Variants in PRRC2B observed in about 807,000 individuals in gnomAD.
PRRC2B encodes the protein proline rich coiled-coil 2B, also known as protein PRRC2B.
In PRRC2B, 68 loss-of-function variants were observed where a neutral mutation model predicts 242.3. The observed-to-expected ratio is 0.28, with a 90% confidence interval of 0.23 to 0.34. The LOEUF is 0.34. Among genes scored for constraint, PRRC2B ranks in the 10% least tolerant of loss-of-function variants. PRRC2B has a pLI of 1.00. For synonymous variants in PRRC2B, 1,228 were observed against 1,173.6 expected, an observed-to-expected ratio of 1.05 and a Z score of -0.95; for missense variants, 2,835 against 2,954.8, an observed-to-expected ratio of 0.96 and a Z score of 0.94.
At chr9:131,442,769 G>A (rs141260333) in intron 5 of PRRC2B, among the ~76,000 whole-genome samples, 4 of 152,292 alleles carry the variant, frequency 2.6e-5, no homozygotes, top group Non-Finnish European at 5.9e-5. Context: ...GCTCCTGTCT[G>A]GAGTGTGCTG....
chr9:131,420,843 G>A (rs954321676), intron 1 of PRRC2B, among the ~76,000 whole-genome samples: 4 of 151,864 alleles, frequency 2.6e-5, no homozygotes, highest in Non-Finnish European at 5.9e-5. Flanking sequence ...GTGTGGTGGG[G>A]GTTGGGTTAG....
intron 28 of PRRC2B, 77 bp downstream of exon 28, chr9:131,488,173 C>G: frequency 6.6e-7 from 1 of 1,518,892 alleles, no homozygotes; most frequent in South Asian, 1.3e-5. Flanking sequence ...TCACCCGCCT[C>G]TCAGTGTGTG....
chr9:131,458,196 C>T (rs916720833), intron 10 of PRRC2B, among the ~76,000 whole-genome samples: 1 of 151,956 alleles, frequency 6.6e-6, no homozygotes, highest in Non-Finnish European at 1.5e-5. Flanking sequence ...ATCTTTTGTT[C>T]TTTTGAGGGG....
chr9:131,487,388 C>A lies in PRRC2B; in HGVS notation c.5984+94C>A. Reference sequence around the variant, plus strand: ...CGTCCTGCAGCTGTTTGGTGCTTGTCTGCTTTGGGGCCAGTGGGGCGGGGA... The same window carrying A: ...CGTCCTGCAGCTGTTTGGTGCTTGTATGCTTTGGGGCCAGTGGGGCGGGGA... On this transcript the variant is annotated intron_variant, in intron 27 of 31. Coordinates refer to ENST00000683519, the MANE Select transcript of PRRC2B (RefSeq NM_013318.4). This position sits in a 1 kb window ranked among gnomAD's most constrained non-coding sequence, Gnocchi z 5.3. 2.2e-6 allele frequency: 2 copies of A among 891,630 alleles called. No homozygotes were observed. The highest frequency in any genetic ancestry group is 1.6e-6 in the Non-Finnish European group (1 of 630,470). 55.2% of individuals were successfully genotyped at this position (891,630 alleles called of 1,614,324 possible).
intron 1 of PRRC2B, among the ~76,000 whole-genome samples, chr9:131,376,226 C>T (rs1400665484): frequency 1.4e-5 from 2 of 147,070 alleles, no homozygotes; most frequent in Admixed American, 6.8e-5. Context: ...TGGTGGCGCG[C>T]GTCTGTAATC....
At chr9:131,405,711 C>G (rs1837343095) in intron 1 of PRRC2B, among the ~76,000 whole-genome samples, 1 of 152,156 alleles carries the variant, frequency 6.6e-6, no homozygotes, top group Non-Finnish European at 1.5e-5. Flanking sequence ...TTACACTGCT[C>G]TGGCTCCTGG....
At chr9:131,380,599 G>A (rs939658449) in intron 1 of PRRC2B, among the ~76,000 whole-genome samples, 2 of 151,288 alleles carry the variant, frequency 1.3e-5, no homozygotes, top group South Asian at 2.1e-4. Context: ...AAAAAAAAAG[G>A]CCGGCCGCAG....
intron 1 of PRRC2B, among the ~76,000 whole-genome samples, chr9:131,403,944 T>C (rs1837291960): frequency 6.6e-6 from 1 of 152,160 alleles, no homozygotes; most frequent in Non-Finnish European, 1.5e-5. Flanking sequence ...GTAATACTTT[T>C]TTTTTCTTCC....
In PRRC2B at chr9:131,494,081, G is replaced by A. The variant is rs903025572; in HGVS notation, c.6474-324G>A. On this transcript the variant is annotated intron_variant, in intron 30 of 31. Transcript: ENST00000683519. This position sits in a 1 kb window ranked among gnomAD's most constrained non-coding sequence, Gnocchi z 4.3. Reference sequence around the variant, plus strand: ...TGCATCGTGTTGGTCCAGACCCTGAGACGGCCAGTGTCGCTTTCTGCACAG... The same window carrying A: ...TGCATCGTGTTGGTCCAGACCCTGAAACGGCCAGTGTCGCTTTCTGCACAG... Among the ~76,000 whole-genome samples, 1 of 152,228 alleles carries A rather than the reference G, an allele frequency of 6.6e-6. No individual in the cohort carries two copies. Among genetic ancestry groups the A allele is most frequent in the Admixed American group, 6.5e-5 (1 of 15,290 alleles).
chr9:131,462,836 TAAAAAA>T (rs553444971), intron 11 of PRRC2B, among the ~76,000 whole-genome samples: 4 of 81,936 alleles, frequency 4.9e-5, no homozygotes, highest in South Asian at 1.5e-3. Flanking sequence ...AGACTCCGTC[TAAAAAA>T]AAAAAAAAAA....
At chr9:131,420,494 T>TCTCTCTCTCTCTCTCTCTCTCTC (rs1554758632) in intron 1 of PRRC2B, among the ~76,000 whole-genome samples, 1 of 10,050 alleles carries the variant, frequency 1.0e-4, no homozygotes, top group African/African-American at 3.3e-4. Flanking sequence ...TCTTTCTTTC[T>TCTCTCTCTCTCTCTCTCTCTCTC]TTTTTTTTTT....
chr9:131,383,194 T>C (rs1311176188), intron 1 of PRRC2B, among the ~76,000 whole-genome samples: 2 of 152,036 alleles, frequency 1.3e-5, no homozygotes, highest in Non-Finnish European at 2.9e-5. Flanking sequence ...TGGAATCCAT[T>C]TCCCCCTGGA....
At chr9:131,484,408 A>C (rs1943956241) in intron 23 of PRRC2B, among the ~76,000 whole-genome samples, 1 of 152,128 alleles carries the variant, frequency 6.6e-6, no homozygotes, top group Non-Finnish European at 1.5e-5. Flanking sequence ...GAGGAAACTG[A>C]TGGAGGCAGC....
At chr9:131,413,591 C>G (rs1294283077) in intron 1 of PRRC2B, among the ~76,000 whole-genome samples, 1 of 152,222 alleles carries the variant, frequency 6.6e-6, no homozygotes, top group African/African-American at 2.4e-5. Context: ...TGGTCTCAAA[C>G]TCCTGGCTTC....
At chr9:131,375,192 G>A (rs1355212961) in intron 1 of PRRC2B, among the ~76,000 whole-genome samples, 1 of 152,164 alleles carries the variant, frequency 6.6e-6, no homozygotes, top group Admixed American at 6.6e-5. Context: ...CACGACGTCA[G>A]GAGTTGGAGA....
chr9:131,455,815 G>A (rs1271239881), intron 10 of PRRC2B, among the ~76,000 whole-genome samples: 1 of 152,094 alleles, frequency 6.6e-6, no homozygotes, highest in Non-Finnish European at 1.5e-5. Flanking sequence ...CCTTGAACAT[G>A]CTAAAGTACA....
At chr9:131,437,372 C>T (rs964714368) in intron 4 of PRRC2B, among the ~76,000 whole-genome samples, 5 of 152,168 alleles carry the variant, frequency 3.3e-5, no homozygotes, top group African/African-American at 9.7e-5. Context: ...TTTTTCTAAG[C>T]AGAAAGTAAT....
At chr9:131,433,513 C>T (rs1009973234) in intron 3 of PRRC2B, among the ~76,000 whole-genome samples, 1 of 152,248 alleles carries the variant, frequency 6.6e-6, no homozygotes, top group African/African-American at 2.4e-5. Flanking sequence ...TCTCCTGCTG[C>T]AAGTCCTCTC....
chr9:131,410,660 C>T (rs997344983), intron 1 of PRRC2B, among the ~76,000 whole-genome samples: 7 of 152,140 alleles, frequency 4.6e-5, no homozygotes, highest in Admixed American at 3.3e-4. Flanking sequence ...GTACTAATAC[C>T]CTTCTCTGAG....
Sources: allele counts gnomAD v4.1 joint callset (sites outside exome capture counted in the v4.1 genomes callset), GRCh38; gene constraint gnomAD v4.1.1; non-coding constraint Gnocchi (gnomAD v3.1); transcripts MANE v1.5; gene names NCBI Gene and HGNC (gene_info 2026-07-23, HGNC 2026-07-21).